CDH13: variants seen among roughly 807,000 people sequenced by gnomAD.
CDH13 encodes the protein cadherin-13.
CDH13 carries 24 observed loss-of-function variants against 63.8 expected under a neutral mutation model. That is an observed-to-expected ratio of 0.38 (90% confidence interval 0.27 to 0.53). The LOEUF (loss-of-function observed/expected upper bound fraction) is 0.53, where lower values mean the gene tolerates loss of function less well. CDH13 is among the 20% of genes least tolerant of loss of function. The probability of loss-of-function intolerance (pLI) is 0.85; values close to 1 mark genes in which losing one functional copy is unlikely to be tolerated. For synonymous variants in CDH13, 503 were observed against 355.3 expected, an observed-to-expected ratio of 1.42 and a Z score of -4.67; for missense variants, 1,049 against 903.1, an observed-to-expected ratio of 1.16 and a Z score of -2.07.
intron 1 of CDH13, among the ~76,000 whole-genome samples, chr16:82,653,343 T>G (rs1358242547): frequency 6.6e-6 from 1 of 152,046 alleles, no homozygotes; most frequent in African/African-American, 2.4e-5. Context: ...CACAAAAAAA[T>G]AAATAAAAGT....
intron 4 of CDH13, among the ~76,000 whole-genome samples, chr16:83,188,687 ATAT>A (rs2038603027): frequency 6.6e-6 from 1 of 152,218 alleles, no homozygotes; most frequent in Non-Finnish European, 1.5e-5. Context: ...ATCAGCATGA[ATAT>A]TATTAAGTTT....
In CDH13 at chr16:82,985,716, T is replaced by G. The variant is rs527400328; in HGVS notation, c.158-46294T>G. Among the ~76,000 whole-genome samples the G allele has an allele frequency of 7.2e-5, 11 of 152,266 alleles. No individual in the cohort carries two copies. In the East Asian group the frequency reaches 2.1e-3, roughly 29 times the overall value. On this transcript the variant is annotated intron_variant, in intron 2 of 13. Coordinates refer to ENST00000567109, the MANE Select transcript of CDH13 (RefSeq NM_001257.5). ...ATTTGTCCCCATCCAAATTTCATGT[T>G]GAATTGCAATCCCCAGCATTGGAGG...
chr16:83,770,178 G>A (rs1261374635), intron 11 of CDH13, among the ~76,000 whole-genome samples: 1 of 152,048 alleles, frequency 6.6e-6, no homozygotes, highest in Non-Finnish European at 1.5e-5. Flanking sequence ...AGTTCTACAG[G>A]CTTCCCACAC....
intron 5 of CDH13, among the ~76,000 whole-genome samples, chr16:83,231,258 A>T (rs2039991927): frequency 6.6e-6 from 1 of 152,162 alleles, no homozygotes; most frequent in Non-Finnish European, 1.5e-5. Flanking sequence ...GCATGCCGGT[A>T]CCCTGGGGTG....
chr16:82,727,244 G>C (rs1334069926), intron 1 of CDH13, among the ~76,000 whole-genome samples: 1 of 152,046 alleles, frequency 6.6e-6, no homozygotes, highest in Non-Finnish European at 1.5e-5. Flanking sequence ...TTTGCACTGG[G>C]GGCATCCCTG....
intron 3 of CDH13, among the ~76,000 whole-genome samples, chr16:83,066,698 G>A (rs1298966434): frequency 6.6e-6 from 1 of 152,092 alleles, no homozygotes; most frequent in Non-Finnish European, 1.5e-5. Context: ...AAGTCCAAAC[G>A]ATCAGCAAAT....
At chr16:83,253,375 G>A (rs748314711) in intron 5 of CDH13, among the ~76,000 whole-genome samples, 48 of 152,270 alleles carry the variant, frequency 3.2e-4, no homozygotes, top group African/African-American at 9.6e-4. Flanking sequence ...CTAGAAAGCC[G>A]CCTCAACTGC....
chr16:83,644,958 G>T lies in CDH13; in HGVS notation c.1102-25832G>T, dbSNP rs552456322. On this transcript the variant is annotated intron_variant, in intron 8 of 13. Transcript: ENST00000567109. The stretch of plus-strand genomic sequence containing the variant: ...CAGGAGGGAGGTGCTAAATATTCTG[G>T]GCTCCTCGCTTGGACTTCAAACCTA... Among the ~76,000 whole-genome samples, 3 of 152,232 alleles carry T rather than the reference G, an allele frequency of 2.0e-5. No individual in the cohort carries two copies. In the South Asian group the frequency reaches 6.2e-4, roughly 32 times the overall value.
chr16:83,122,239 C>T (rs542610953), intron 3 of CDH13, among the ~76,000 whole-genome samples: 89 of 152,284 alleles, frequency 5.8e-4, no homozygotes, highest in East Asian at 1.9e-3. Context: ...CCTTTAACAC[C>T]GCTCTGGCCC....
intron 4 of CDH13, among the ~76,000 whole-genome samples, chr16:83,196,429 A>G (rs975256526): frequency 1.3e-5 from 2 of 152,240 alleles, no homozygotes; most frequent in Non-Finnish European, 2.9e-5. Context: ...TGAAATTTTG[A>G]TAAATTAGAC....
intron 3 of CDH13, among the ~76,000 whole-genome samples, chr16:83,120,654 A>G (rs2035524908): frequency 6.6e-6 from 1 of 152,166 alleles, no homozygotes; most frequent in South Asian, 2.1e-4. Flanking sequence ...CAGATATTAC[A>G]AATATATTTT....
At chr16:83,719,087 C>A (rs990625618) in intron 10 of CDH13, among the ~76,000 whole-genome samples, 1 of 152,300 alleles carries the variant, frequency 6.6e-6, no homozygotes, top group East Asian at 1.9e-4. Context: ...TAAAATCATT[C>A]TCTCCTTAAA....
intron 7 of CDH13, among the ~76,000 whole-genome samples, chr16:83,534,181 C>T (rs1317828047): frequency 1.3e-5 from 2 of 152,132 alleles, no homozygotes; most frequent in Non-Finnish European, 1.5e-5. Context: ...TAAGGATTTA[C>T]CTATTCTGGA....
chr16:83,572,129 C>G (rs551891710), intron 7 of CDH13, among the ~76,000 whole-genome samples: 1 of 151,564 alleles, frequency 6.6e-6, no homozygotes, highest in Non-Finnish European at 1.5e-5. Context: ...CAGTCATCAT[C>G]AAAACCCTAA....
At chr16:82,862,889 C>T (rs1031771879) in intron 2 of CDH13, among the ~76,000 whole-genome samples, 1 of 152,202 alleles carries the variant, frequency 6.6e-6, no homozygotes, top group Admixed American at 6.5e-5. Flanking sequence ...CCAACTTGGT[C>T]CTACCATCTT....
At chr16:83,071,267 C>A (rs1411822252) in intron 3 of CDH13, among the ~76,000 whole-genome samples, 2 of 152,152 alleles carry the variant, frequency 1.3e-5, no homozygotes, top group Non-Finnish European at 2.9e-5. Context: ...CAAAAGCCTC[C>A]TTCAGCAGCG....
intron 5 of CDH13, among the ~76,000 whole-genome samples, chr16:83,271,728 G>A (rs1333779562): frequency 6.6e-6 from 1 of 152,046 alleles, no homozygotes; most frequent in Non-Finnish European, 1.5e-5. Flanking sequence ...TCTTTGCAAA[G>A]TCTTTTACTA....
chr16:83,209,994 A>C (rs74031481), intron 4 of CDH13, among the ~76,000 whole-genome samples: 6,716 of 152,110 alleles, frequency 0.044, 493 homozygotes, highest in African/African-American at 0.15. Context: ...AAGCAGGTGG[A>C]GACCCATCAA....
chr16:83,412,962 A>C (rs1455094836), intron 6 of CDH13, among the ~76,000 whole-genome samples: 1 of 152,192 alleles, frequency 6.6e-6, no homozygotes, highest in Non-Finnish European at 1.5e-5. Flanking sequence ...TTGGGTGAGA[A>C]ATTACTTATA....
Sources: gnomAD v4.1 joint callset for allele counts (sites outside exome capture counted in the v4.1 genomes callset) on GRCh38, gnomAD v4.1.1 for gene constraint, MANE v1.5 for transcripts, NCBI Gene and HGNC (gene_info 2026-07-23, HGNC 2026-07-21) for gene names.